PRIM2: variants seen among roughly 807,000 people sequenced by gnomAD.
The protein encoded by PRIM2 is DNA primase large subunit.
In PRIM2, 39 loss-of-function variants were observed where a neutral mutation model predicts 67.3. The ratio of observed to expected loss-of-function variants is 0.58; its 90% CI spans 0.45 to 0.76. The LOEUF is 0.76. Among genes scored for constraint, PRIM2 ranks in the 30% least tolerant of loss-of-function variants. The pLI, the probability that PRIM2 is intolerant of heterozygous loss-of-function variation, is 0.00. For missense variants in PRIM2, 398 were observed against 598.7 expected (o/e 0.66, Z 3.50); for synonymous variants, 143 against 198.7 (o/e 0.72, Z 2.36).
chr6:57,521,259 A>G (rs1482661412), intron 8 of PRIM2, among the ~76,000 whole-genome samples: 1 of 151,948 alleles, frequency 6.6e-6, no homozygotes, highest in Non-Finnish European at 1.5e-5. Flanking sequence ...ACCGCAGGAA[A>G]TGATATATTG....
intron 12 of PRIM2, among the ~76,000 whole-genome samples, chr6:57,629,281 C>T (rs1334660577): frequency 2.0e-5 from 3 of 152,142 alleles, no homozygotes; most frequent in Non-Finnish European, 4.4e-5. Context: ...CTCTAAGAGA[C>T]ATGAGGTATC....
intron 13 of PRIM2, among the ~76,000 whole-genome samples, chr6:57,643,245 T>C (rs1303026968): frequency 2.6e-5 from 4 of 152,226 alleles, no homozygotes; most frequent in African/African-American, 9.6e-5. Flanking sequence ...TACTAGGTTA[T>C]TTTTGCATGA....
the PRIM2 span, among the ~76,000 whole-genome samples, chr6:57,280,613 G>A: frequency 2.6e-5 from 4 of 151,998 alleles, no homozygotes; most frequent in East Asian, 1.9e-4. Flanking sequence ...AGGTTCAAGC[G>A]ATTCTCCGGC....
chr6:57,542,476 A>C (rs1170191174), intron 10 of PRIM2, among the ~76,000 whole-genome samples: 1 of 152,252 alleles, frequency 6.6e-6, no homozygotes, highest in East Asian at 1.9e-4. Context: ...TTTTATGTAC[A>C]TCTGGAATAG....
chr6:57,465,567 G>A (rs1194056705), intron 7 of PRIM2, among the ~76,000 whole-genome samples: 2 of 152,182 alleles, frequency 1.3e-5, no homozygotes, highest in Non-Finnish European at 1.5e-5. Context: ...GTGCTAGACT[G>A]ACTGGGTTCA....
chr6:57,441,092 G>A (rs1487454449), intron 7 of PRIM2, among the ~76,000 whole-genome samples: 6 of 152,164 alleles, frequency 3.9e-5, no homozygotes, highest in East Asian at 1.9e-4. Flanking sequence ...AGTCAGTGAC[G>A]TTGTGCTGAT....
At chr6:57,485,096 T>G (rs1773724548) in intron 7 of PRIM2, among the ~76,000 whole-genome samples, 1 of 152,128 alleles carries the variant, frequency 6.6e-6, no homozygotes, top group Non-Finnish European at 1.5e-5. Flanking sequence ...GATATTTGAA[T>G]ATGGGTTAGT....
upstream of PRIM2, among the ~76,000 whole-genome samples, chr6:57,313,530 TCTC>T (rs1322890315): frequency 1.3e-5 from 2 of 152,176 alleles, no homozygotes; most frequent in Non-Finnish European, 2.9e-5. Flanking sequence ...TTCTGTCAGT[TCTC>T]CTGCTCCTTG....
intron 2 of PRIM2, among the ~76,000 whole-genome samples, chr6:57,318,881 T>G (rs142331161): frequency 1.3e-4 from 20 of 152,334 alleles, no homozygotes; most frequent in African/African-American, 4.8e-4. Flanking sequence ...GAAGTTTTAT[T>G]CTAGTACATG....
At position 57,646,193 on chromosome 6, in the gene PRIM2, T is replaced by C. The variant is rs1213307411; in HGVS notation, c.*35T>C. The C allele has an allele frequency of 2.7e-5, 37 of 1,375,754 alleles. No individual in the cohort carries two copies. The African/African-American group carries it at 3.9e-4, about 15-fold the overall frequency. 85.2% of individuals were successfully genotyped at this position (1,375,754 alleles called of 1,614,324 possible). ...TAACCCTTTTTCCTCAATAGCCTGT[T>C]TCCTGTTTTTAAGATTTTGCCTTTG... is the stretch of plus-strand genomic sequence containing the variant. On this transcript the variant is annotated 3_prime_UTR_variant, in exon 14 of 14. Transcript: ENST00000615550.
chr6:57,541,514 T>C (rs1244627726), intron 10 of PRIM2, among the ~76,000 whole-genome samples: 4 of 152,222 alleles, frequency 2.6e-5, no homozygotes, highest in Admixed American at 1.3e-4. Flanking sequence ...ATGTTATCAG[T>C]AAGGCTTATG....
chr6:57,286,614 G>A, the PRIM2 span, among the ~76,000 whole-genome samples: 1 of 152,090 alleles, frequency 6.6e-6, no homozygotes, highest in African/African-American at 2.4e-5. Flanking sequence ...AACTCAAGGT[G>A]GATTAAAGAC....
At chr6:57,633,790 T>G (rs1777073518) in intron 13 of PRIM2, among the ~76,000 whole-genome samples, 1 of 152,076 alleles carries the variant, frequency 6.6e-6, no homozygotes, top group South Asian at 2.1e-4. Flanking sequence ...ACTGCTGATC[T>G]GACAGGAGGT....
intron 8 of PRIM2, among the ~76,000 whole-genome samples, chr6:57,527,268 G>T (rs1774776375): frequency 6.6e-6 from 1 of 152,138 alleles, no homozygotes; most frequent in Non-Finnish European, 1.5e-5. Context: ...TTCTTTGTAA[G>T]TTTATTCCTG....
At chr6:57,589,382 C>G (rs1275088268) in intron 10 of PRIM2, among the ~76,000 whole-genome samples, 1 of 151,976 alleles carries the variant, frequency 6.6e-6, no homozygotes, top group African/African-American at 2.4e-5. Flanking sequence ...GCCAGTGAAC[C>G]TTTTGGTTAC....
chr6:57,587,946 T>TAA (rs1309809690), intron 10 of PRIM2, among the ~76,000 whole-genome samples: 61 of 152,324 alleles, frequency 4.0e-4, no homozygotes, highest in Non-Finnish European at 7.4e-4. Context: ...CTTGTGGTTT[T>TAA]AAATGATATT....
the PRIM2 span, among the ~76,000 whole-genome samples, chr6:57,262,204 C>T: frequency 6.6e-6 from 1 of 152,076 alleles, no homozygotes; most frequent in Non-Finnish European, 1.5e-5. Flanking sequence ...AGTTATTTAA[C>T]CTCCTGAGCT....
chr6:57,381,130 G>A (rs1769946597), intron 6 of PRIM2, among the ~76,000 whole-genome samples: 1 of 152,162 alleles, frequency 6.6e-6, no homozygotes, highest in African/African-American at 2.4e-5. Context: ...CTGTAGGTCT[G>A]TTTGACTTTC....
chr6:57,477,572 T>A (rs1251255620), intron 7 of PRIM2, among the ~76,000 whole-genome samples: 4 of 152,248 alleles, frequency 2.6e-5, no homozygotes, highest in Admixed American at 1.3e-4. Context: ...TTTATTTTTA[T>A]GCCTTGTTGA....
Sources: gnomAD v4.1 joint callset for allele counts (sites outside exome capture counted in the v4.1 genomes callset) on GRCh38, gnomAD v4.1.1 for gene constraint, MANE v1.5 for transcripts, NCBI Gene and HGNC (gene_info 2026-07-23, HGNC 2026-07-21) for gene names.